The following GRIN2A variants were observed in gnomAD, a reference collection of about 807,000 sequenced individuals.
The protein encoded by GRIN2A is glutamate receptor ionotropic, NMDA 2A.
In GRIN2A, 22 loss-of-function variants were observed where a neutral mutation model predicts 113.4. That is an observed-to-expected ratio of 0.19 (90% CI 0.14 to 0.28). GRIN2A has a LOEUF of 0.28. Ranked by LOEUF, GRIN2A falls within the 10% of genes least tolerant of loss-of-function variation. The probability of loss-of-function intolerance (pLI) is 1.00; values close to 1 mark genes in which losing one functional copy is unlikely to be tolerated. For missense variants in GRIN2A, 1,502 were observed against 1,887.0 expected (o/e 0.80, Z 3.78); for synonymous variants, 827 against 738.4 (o/e 1.12, Z -1.94).
At chr16:9,982,150 T>C (rs2045903586) in intron 2 of GRIN2A, among the ~76,000 whole-genome samples, 1 of 152,162 alleles carries the variant, frequency 6.6e-6, no homozygotes, top group Admixed American at 6.5e-5. Context: ...AAACTGGGTC[T>C]TTTGTTGCAG....
chr16:9,970,772 C>T (rs1596374749), intron 2 of GRIN2A: 3 of 955,578 alleles, frequency 3.1e-6, no homozygotes, highest in South Asian at 4.8e-5. Context: ...GGTAAACTCT[C>T]AACAGGAGAA....
chr16:9,788,383 G>C (rs942157800), intron 11 of GRIN2A, among the ~76,000 whole-genome samples: 2 of 151,824 alleles, frequency 1.3e-5, no homozygotes, highest in African/African-American at 4.8e-5. Flanking sequence ...TCAGCCTCCA[G>C]AGTAGCTGGG....
At chr16:9,954,729 G>C (rs1179426876) in intron 2 of GRIN2A, among the ~76,000 whole-genome samples, 2 of 152,084 alleles carry the variant, frequency 1.3e-5, no homozygotes. Context: ...AAAAAGGTTG[G>C]GATTTTAATG....
chr16:10,004,828 G>T (rs1035361883), intron 2 of GRIN2A, among the ~76,000 whole-genome samples: 5 of 152,122 alleles, frequency 3.3e-5, no homozygotes, highest in Non-Finnish European at 2.9e-5. Context: ...CATTGGCAAA[G>T]CCCCTTTTGT....
intron 2 of GRIN2A, among the ~76,000 whole-genome samples, chr16:10,054,058 C>T (rs1207003141): frequency 1.3e-5 from 2 of 151,356 alleles, no homozygotes; most frequent in African/African-American, 2.4e-5. Flanking sequence ...TATGGAGTGA[C>T]AATAAGAAGT....
Position 9,764,963 on chromosome 16 carries a change from C to A in GRIN2A, c.2596-15G>T, listed in dbSNP as rs765596168. On this transcript the variant is annotated splice_polypyrimidine_tract_variant and intron_variant, in intron 12 of 12. Transcript: ENST00000330684. ...CTGTAGATGCCCTGTAGGGGAGCAA[C>A]ATAAAGCACTGTCAGCAGCAGCAGC... is the stretch of plus-strand genomic sequence containing the variant. The A allele has an allele frequency of 6.2e-7, 1 of 1,613,920 alleles. No homozygotes were observed. The highest frequency in any genetic ancestry group is 1.1e-5 in the South Asian group (1 of 91,064).
intron 2 of GRIN2A, chr16:10,031,610 C>T (rs1395807150): frequency 6.6e-6 from 1 of 152,228 alleles, no homozygotes; most frequent in African/African-American, 2.4e-5. Flanking sequence ...GTGAATGTTT[C>T]TTAGCAACTG....
At chr16:9,815,779 C>CA (rs895820094) in intron 10 of GRIN2A, among the ~76,000 whole-genome samples, 34 of 151,926 alleles carry the variant, frequency 2.2e-4, no homozygotes, top group African/African-American at 7.0e-4. Context: ...TATATACCAA[C>CA]AAAAAAAACC....
chr16:10,067,505 T>C (rs981717734), intron 2 of GRIN2A, among the ~76,000 whole-genome samples: 1 of 152,210 alleles, frequency 6.6e-6, no homozygotes, highest in Admixed American at 6.5e-5. Context: ...GGGCTGATAT[T>C]AAAGTAACCA....
chr16:10,137,151 CAG>C (rs772706575), intron 2 of GRIN2A, among the ~76,000 whole-genome samples: 3 of 152,164 alleles, frequency 2.0e-5, no homozygotes, highest in Non-Finnish European at 1.5e-5. Context: ...CCAGAAAAGA[CAG>C]AGTCGGAGGG....
chr16:10,038,151 G>C, intron 2 of GRIN2A, among the ~76,000 whole-genome samples: 1 of 152,156 alleles, frequency 6.6e-6, no homozygotes, highest in Non-Finnish European at 1.5e-5. Flanking sequence ...TCGGTGTCTG[G>C]TGACGGTCAG....
chr16:10,075,776 C>T (rs2047860348), intron 2 of GRIN2A, among the ~76,000 whole-genome samples: 1 of 152,120 alleles, frequency 6.6e-6, no homozygotes, highest in Non-Finnish European at 1.5e-5. Context: ...GTTAGAAGGA[C>T]ATTCATCTCG....
intron 2 of GRIN2A, chr16:10,112,308 A>G (rs2142150326): frequency 1.5e-6 from 1 of 645,328 alleles, no homozygotes. Context: ...AGCCCAGGCT[A>G]AGAACCTGAT....
chr16:10,060,336 T>C (rs909892102), intron 2 of GRIN2A, among the ~76,000 whole-genome samples: 4 of 152,190 alleles, frequency 2.6e-5, no homozygotes, highest in Non-Finnish European at 1.5e-5. Flanking sequence ...TTTTCTGATG[T>C]TGCCTCAGTT....
At chr16:10,130,137 A>G (rs181608894) in intron 2 of GRIN2A, among the ~76,000 whole-genome samples, 1 of 152,358 alleles carries the variant, frequency 6.6e-6, no homozygotes. Context: ...TGAGACTCAG[A>G]AAAGCCAAGA....
At chr16:9,975,325 G>A (rs1046284124) in intron 2 of GRIN2A, among the ~76,000 whole-genome samples, 8 of 152,154 alleles carry the variant, frequency 5.3e-5, no homozygotes, top group African/African-American at 1.4e-4. Context: ...GATTATCCTG[G>A]TTTATTCCAT....
At chr16:10,096,178 G>A (rs982987872) in intron 2 of GRIN2A, among the ~76,000 whole-genome samples, 2 of 152,166 alleles carry the variant, frequency 1.3e-5, no homozygotes, top group African/African-American at 4.8e-5. Flanking sequence ...TTGTTTCTAT[G>A]TTTGTTTTTT....
chr16:10,034,560 A>C (rs1043343108), intron 2 of GRIN2A, among the ~76,000 whole-genome samples: 6 of 150,304 alleles, frequency 4.0e-5, no homozygotes, highest in East Asian at 1.9e-4. Flanking sequence ...AAAAAAAAAA[A>C]AAAACTGGCT....
Position 10,013,229 on chromosome 16 carries a change from C to G in GRIN2A, c.415-74678G>C, listed in dbSNP as rs532217515. Among the ~76,000 whole-genome samples the G allele has an allele frequency of 1.1e-3, 174 of 152,298 alleles. 1 individual carries two copies. Among genetic ancestry groups the G allele is most frequent in the Non-Finnish European group, 5.1e-4 (35 of 68,034 alleles). On this transcript the variant is annotated intron_variant, in intron 2 of 12. Transcript: ENST00000330684. ...GTGAATACTCATTGGATTTTTACAG[C>G]CTCTGAGGTCCAGGGTGTATCTATG...
Sources: gnomAD v4.1 joint callset for allele counts (sites outside exome capture counted in the v4.1 genomes callset) on GRCh38, gnomAD v4.1.1 for gene constraint, MANE v1.5 for transcripts, NCBI Gene and HGNC (gene_info 2026-07-23, HGNC 2026-07-21) for gene names.